CRBN: variants seen among roughly 807,000 people sequenced by gnomAD.
CRBN encodes the protein protein cereblon.
CRBN carries 53 observed loss-of-function variants against 62.2 expected under a neutral mutation model. The ratio of observed to expected loss-of-function variants is 0.85; its 90% CI spans 0.68 to 1.07. The LOEUF is 1.07. Ranked by LOEUF, CRBN falls within the 50% of genes least tolerant of loss-of-function variation. The pLI is 0.00. For synonymous variants in CRBN, 208 were observed against 176.1 expected, an observed-to-expected ratio of 1.18 and a Z score of -1.43; for missense variants, 616 against 531.1, an observed-to-expected ratio of 1.16 and a Z score of -1.57.
rs1420348505 is a variant in CRBN, at chr3:3,150,227, C to T, written c.*638G>A. ...TCAGATACTGAGCAAATACACAATA[C>T]TACTTTTTACTAACAGGCACATAAA... On this transcript the variant is annotated 3_prime_UTR_variant, in exon 11 of 11. Transcript: ENST00000231948. 6.6e-6 allele frequency: 1 copy of T among 152,388 alleles called. No homozygotes were observed. Among genetic ancestry groups the T allele is most frequent in the Non-Finnish European group, 1.5e-5 (1 of 68,296 alleles). The allele number at this position is 152,388 out of a possible 1,614,324, so 9.4% of individuals were successfully genotyped here.
chr3:3,152,358 AT>A, intron 10 of CRBN, 97 bp downstream of exon 10: 1 of 1,294,634 alleles, frequency 7.7e-7, no homozygotes, highest in South Asian at 1.3e-5. Context: ...TCTACTTTTT[AT>A]TATAAAGATT....
Position 3,152,735 on chromosome 3 carries a change from G to A in CRBN, c.1017-148C>T. ...AGTTTTATATAATACCAGGATCTTA[G>A]TATGAAAATGGGGTGGGGGTACAGC... On this transcript the variant is annotated intron_variant, in intron 9 of 10. Coordinates refer to ENST00000231948, the MANE Select transcript of CRBN (RefSeq NM_016302.4). 4 of 970,654 alleles carry A rather than the reference G, an allele frequency of 4.1e-6. No individual in the cohort carries two copies. In the South Asian group the frequency reaches 5.8e-5, roughly 14 times the overall value. The allele number at this position is 970,654 out of a possible 1,614,324, so 60.1% of individuals were successfully genotyped here. A position where few individuals can be genotyped will look rare whatever the true frequency, so the allele number is the denominator to read the frequency against.
At chr3:3,172,587 T>C in intron 4 of CRBN, 189 bp downstream of exon 4, 1 of 617,386 alleles carries the variant, frequency 1.6e-6, no homozygotes, top group Non-Finnish European at 2.9e-6. Flanking sequence ...GCTTCTATAG[T>C]TTTAAAAGCT....
chr3:3,154,166 C>G (rs12635247), intron 7 of CRBN, 91 bp from the exon 8 acceptor site: 77,303 of 777,576 alleles, frequency 0.099, 15,186 homozygotes, highest in East Asian at 0.7. Context: ...TGAAATAAAC[C>G]CTTCTCTTTA....
intron 1 of CRBN, among the ~76,000 whole-genome samples, chr3:3,177,449 T>C (rs962235000): frequency 6.6e-6 from 1 of 152,240 alleles, no homozygotes; most frequent in East Asian, 1.9e-4. Context: ...AAATAGCCAA[T>C]GGTCTAACAC....
At chr3:3,176,519 T>C (rs925082972) in intron 1 of CRBN, among the ~76,000 whole-genome samples, 6 of 152,140 alleles carry the variant, frequency 3.9e-5, no homozygotes, top group African/African-American at 1.2e-4. Context: ...GCAGATCACT[T>C]GAGGTCAGGA....
At position 3,167,715 on chromosome 3, in the gene CRBN, G is replaced by A. The variant is rs748371307; in HGVS notation, c.606C>T (p.Leu202=). 1 of 1,613,562 alleles carries A rather than the reference G, an allele frequency of 6.2e-7. No homozygotes were observed. Among genetic ancestry groups the A allele is most frequent in the Non-Finnish European group, 8.5e-7 (1 of 1,179,616 alleles). The change falls in exon 5 of 11, where the codon CTC becomes CTT. Residue 202 remains leucine, a synonymous_variant. Transcript: ENST00000231948. ...STMSAVQLES[L]NKCQIFPSKP... ...TTGAAGGAAATATCTGGCACTTATT[G>A]AGGGATTCTAATTGAACTGCAGACA...
At chr3:3,149,891 A>T (rs574185388), downstream of CRBN, 5 of 152,178 alleles carry the variant, frequency 3.3e-5, no homozygotes, top group African/African-American at 4.8e-5. Context: ...TATCATACAA[A>T]TGTGGAAGGA....
intron 5 of CRBN, among the ~76,000 whole-genome samples, chr3:3,165,928 A>G (rs566993053): frequency 6.6e-6 from 1 of 152,298 alleles, no homozygotes; most frequent in South Asian, 2.1e-4. Flanking sequence ...AATATATTCC[A>G]AATCTACTCC....
rs1195051492 is a variant in CRBN, at chr3:3,172,810, AC to A, written c.492del (p.Arg164SerfsTer7). 1 of 1,614,030 alleles carries A rather than the reference AC, an allele frequency of 6.2e-7. No homozygotes were observed. The highest frequency in any genetic ancestry group is 8.5e-7 in the Non-Finnish European group (1 of 1,179,932). ...TGTGTTCTTAGCTCAAGGACTTTGA[AC>A]CTTTGTCTTCCAATTGCTTTCACTT... ...IVKVKAIGRQ[R>X]FKVLELRTQS... is the part of the protein sequence containing the mutation. On this transcript the variant is annotated frameshift_variant, in exon 4 of 11. Coordinates refer to ENST00000231948, the MANE Select transcript of CRBN (RefSeq NM_016302.4). LOFTEE classifies it high-confidence loss of function.
At chr3:3,173,815 A>T (rs952040533) in intron 3 of CRBN, 3 of 523,780 alleles carry the variant, frequency 5.7e-6, no homozygotes, top group Non-Finnish European at 1.0e-5. Context: ...ATGATTAAAA[A>T]TTTTTCAAAT....
chr3:3,174,389 C>T, intron 2 of CRBN, 128 bp from the exon 3 acceptor site: 1 of 794,010 alleles, frequency 1.3e-6, no homozygotes, highest in Non-Finnish European at 2.1e-6. Context: ...ACCTGTAATT[C>T]CAGCACTTTG....
At chr3:3,159,286 A>G (rs1707038425) in intron 5 of CRBN, among the ~76,000 whole-genome samples, 1 of 152,230 alleles carries the variant, frequency 6.6e-6, no homozygotes, top group African/African-American at 2.4e-5. Context: ...TGTCGAGCTT[A>G]TATTTTAGAG....
rs181925257 is a variant in CRBN at position 3,171,099 on chromosome 3, G to A, written c.527+1677C>T. ...GGATTACAGGCATGAGCCACTGTGC[G>A]CGGCCTGATGTTAATCTTTACTAGA... On this transcript the variant is annotated intron_variant, in intron 4 of 10. Coordinates refer to ENST00000231948, the MANE Select transcript of CRBN (RefSeq NM_016302.4). Among the ~76,000 whole-genome samples, 13 of 152,238 alleles carry A rather than the reference G, an allele frequency of 8.5e-5. No individual in the cohort carries two copies. The East Asian group carries it at 1.5e-3, about 18-fold the overall frequency.
At chr3:3,152,266 C>T (rs920098519) in intron 10 of CRBN, among the ~76,000 whole-genome samples, 190 bp downstream of exon 10, 2 of 151,694 alleles carry the variant, frequency 1.3e-5, no homozygotes, top group Admixed American at 1.3e-4. Flanking sequence ...GATTCTTGTG[C>T]CTCAGCATCC....
intron 5 of CRBN, 118 bp from the exon 6 acceptor site, chr3:3,156,399 A>G (rs564704608): frequency 6.8e-6 from 6 of 884,658 alleles, no homozygotes; most frequent in Admixed American, 2.3e-5. Flanking sequence ...TTAAAAAGAT[A>G]AAAAATTTTG....
chr3:3,177,984 T>G (rs1333205382), intron 1 of CRBN, among the ~76,000 whole-genome samples: 1 of 151,006 alleles, frequency 6.6e-6, no homozygotes, highest in Non-Finnish European at 1.5e-5. Context: ...CTCCCGACGC[T>G]TTTCTGAAAA....
At chr3:3,173,349 T>C (rs1002798864) in intron 3 of CRBN, among the ~76,000 whole-genome samples, 8 of 152,174 alleles carry the variant, frequency 5.3e-5, no homozygotes, top group African/African-American at 1.9e-4. Context: ...TGAGCTACCA[T>C]GCCCGGCCAA....
chr3:3,151,387 C>T (rs1706537628), intron 10 of CRBN, among the ~76,000 whole-genome samples: 1 of 152,122 alleles, frequency 6.6e-6, no homozygotes, highest in Non-Finnish European at 1.5e-5. Context: ...ACTGGCTTTT[C>T]CTTTGTTGTA....
Sources: gnomAD v4.1 joint callset for allele counts (sites outside exome capture counted in the v4.1 genomes callset) on GRCh38, gnomAD v4.1.1 for gene constraint, MANE v1.5 for transcripts, NCBI Gene and HGNC (gene_info 2026-07-23, HGNC 2026-07-21) for gene names.